The following WDPCP variants were observed in gnomAD, a reference collection of about 807,000 sequenced individuals.
WDPCP encodes WD repeat-containing and planar cell polarity effector protein fritz homolog.
A neutral mutation model predicts 93.1 loss-of-function variants in WDPCP; 71 were observed. The ratio of observed to expected loss-of-function variants is 0.76; its 90% CI spans 0.63 to 0.93. The LOEUF is 0.93. Among genes scored for constraint, WDPCP ranks in the 40% least tolerant of loss-of-function variants. WDPCP has a pLI of 0.00. For synonymous variants in WDPCP, 315 were observed against 315.0 expected (o/e 1.00, Z 0.00); for missense variants, 844 against 887.4 (o/e 0.95, Z 0.62).
At chr2:63,553,340 T>C (rs2106369724) in intron 1 of WDPCP, among the ~76,000 whole-genome samples, 1 of 152,228 alleles carries the variant, frequency 6.6e-6, no homozygotes, top group East Asian at 1.9e-4. Flanking sequence ...ATCCTCCCGA[T>C]CCTGGTACGT....
chr2:63,420,361 T>TTAAAAA (rs1368696608), intron 9 of WDPCP, among the ~76,000 whole-genome samples: 1 of 120,546 alleles, frequency 8.3e-6, no homozygotes, highest in Non-Finnish European at 1.7e-5. Flanking sequence ...CATCTTTACT[T>TTAAAAA]AAAAAAAAAA....
intron 2 of WDPCP, among the ~76,000 whole-genome samples, chr2:63,795,778 T>C (rs1382042075): frequency 6.6e-6 from 1 of 152,114 alleles, no homozygotes; most frequent in Non-Finnish European, 1.5e-5. Flanking sequence ...TTAAAGATAG[T>C]ATGTGTGGCA....
chr2:63,443,520 T>A (rs143914803), intron 6 of WDPCP, among the ~76,000 whole-genome samples: 3 of 152,234 alleles, frequency 2.0e-5, no homozygotes, highest in East Asian at 3.9e-4. Context: ...CCAGTGTGGC[T>A]GGAGGGGAGT....
intron 15 of WDPCP, among the ~76,000 whole-genome samples, chr2:63,168,263 A>G (rs573467694): frequency 6.6e-6 from 1 of 151,680 alleles, no homozygotes; most frequent in South Asian, 2.1e-4. Flanking sequence ...TCTATGTGAA[A>G]TTTGCATTAA....
intron 2 of WDPCP, among the ~76,000 whole-genome samples, chr2:63,781,825 G>C (rs1324770999): frequency 1.3e-5 from 2 of 152,140 alleles, no homozygotes; most frequent in East Asian, 1.9e-4. Context: ...CTTAGATCTT[G>C]TTAAGGAGCC....
chr2:63,776,074 TATACATACATACATACATACATACATAC>T (rs59262674), intron 2 of WDPCP, among the ~76,000 whole-genome samples: 6 of 146,912 alleles, frequency 4.1e-5, no homozygotes, highest in Admixed American at 6.9e-5. Flanking sequence ...TAAATACACA[TATACATACATACATACATACATACATAC>T]ATACATACAT....
intron 2 of WDPCP, among the ~76,000 whole-genome samples, chr2:63,745,737 A>G (rs1243270107): frequency 6.6e-6 from 1 of 151,984 alleles, no homozygotes; most frequent in Non-Finnish European, 1.5e-5. Context: ...ATTATCAACT[A>G]TGTTTCCATG....
chr2:63,156,181 T>G (rs1366337036), intron 15 of WDPCP, among the ~76,000 whole-genome samples: 1 of 151,856 alleles, frequency 6.6e-6, no homozygotes, highest in African/African-American at 2.4e-5. Context: ...TTTTTTATTT[T>G]TAACAGAGAC....
chr2:63,761,443 A>G (rs976538823), intron 2 of WDPCP, among the ~76,000 whole-genome samples: 1 of 152,122 alleles, frequency 6.6e-6, no homozygotes, highest in Non-Finnish European at 1.5e-5. Context: ...CAAGCCTGAT[A>G]TTCTTCCTTT....
chr2:63,214,408 G>A (rs983447660), intron 14 of WDPCP, among the ~76,000 whole-genome samples: 4 of 152,168 alleles, frequency 2.6e-5, no homozygotes, highest in South Asian at 2.1e-4. Flanking sequence ...AAAGGCCTTC[G>A]ACAAAATTCA....
intron 12 of WDPCP, among the ~76,000 whole-genome samples, chr2:63,348,301 T>G (rs944774202): frequency 2.0e-5 from 3 of 152,198 alleles, no homozygotes; most frequent in African/African-American, 7.2e-5. Context: ...TTTTCAAAAA[T>G]TACTGCATGC....
At chr2:63,322,698 G>A (rs959436862) in intron 12 of WDPCP, among the ~76,000 whole-genome samples, 12 of 151,932 alleles carry the variant, frequency 7.9e-5, no homozygotes, top group African/African-American at 2.9e-4. Context: ...AACACTCACC[G>A]CAAGGGTCCA....
At chr2:63,501,244 C>G (rs1447325251) in intron 1 of WDPCP, among the ~76,000 whole-genome samples, 2 of 152,104 alleles carry the variant, frequency 1.3e-5, no homozygotes, top group Admixed American at 6.5e-5. Flanking sequence ...TTAAAACAAG[C>G]TTTAGAACCT....
At chr2:63,529,105 A>G (rs1703601361) in intron 1 of WDPCP, among the ~76,000 whole-genome samples, 1 of 152,164 alleles carries the variant, frequency 6.6e-6, no homozygotes, top group Non-Finnish European at 1.5e-5. Context: ...CAGCTTAAGG[A>G]GATTTTGGGC....
At chr2:63,702,795 T>C (rs1395026701) in intron 2 of WDPCP, among the ~76,000 whole-genome samples, 2 of 151,946 alleles carry the variant, frequency 1.3e-5, no homozygotes, top group South Asian at 2.1e-4. Flanking sequence ...TATGTATACA[T>C]GTGACATGTT....
intron 1 of WDPCP, among the ~76,000 whole-genome samples, chr2:63,546,178 G>A (rs572447359): frequency 6.6e-6 from 1 of 152,302 alleles, no homozygotes; most frequent in Admixed American, 6.5e-5. Context: ...GCAAAATGGA[G>A]AAATGGGGTA....
intron 12 of WDPCP, among the ~76,000 whole-genome samples, chr2:63,341,716 T>C (rs1271333279): frequency 6.6e-6 from 1 of 152,202 alleles, no homozygotes; most frequent in Non-Finnish European, 1.5e-5. Context: ...TGGTCTCTGC[T>C]GTTTGGTGCA....
intron 1 of WDPCP, among the ~76,000 whole-genome samples, chr2:63,526,774 C>G (rs1703368718): frequency 6.6e-6 from 1 of 152,186 alleles, no homozygotes; most frequent in African/African-American, 2.4e-5. Context: ...ATACTTCAAT[C>G]CCAGTTTTTT....
upstream of WDPCP, chr2:63,589,832 C>G (rs765272961): frequency 4.7e-5 from 10 of 210,922 alleles, no homozygotes; most frequent in Non-Finnish European, 9.8e-5. Flanking sequence ...GAATAATCTG[C>G]GTACTGCTTG....
Sources: allele counts gnomAD v4.1 joint callset (sites outside exome capture counted in the v4.1 genomes callset), GRCh38; gene constraint gnomAD v4.1.1; transcripts MANE v1.5; gene names NCBI Gene and HGNC (gene_info 2026-07-23, HGNC 2026-07-21).